The following KCND2 variants were observed in gnomAD, a reference collection of about 807,000 sequenced individuals.
KCND2 encodes the protein potassium voltage-gated channel subfamily D member 2.
KCND2 carries 16 observed loss-of-function variants against 54.4 expected under a neutral mutation model. The observed-to-expected ratio is 0.29, with a 90% CI of 0.20 to 0.45. The LOEUF is 0.45. Among genes scored for constraint, KCND2 ranks in the 20% least tolerant of loss-of-function variants. The probability of loss-of-function intolerance (pLI) is 1.00; values close to 1 mark genes in which losing one functional copy is unlikely to be tolerated. For synonymous variants in KCND2, 317 were observed against 310.7 expected, an observed-to-expected ratio of 1.02 and a Z score of -0.21; for missense variants, 486 against 824.2, an observed-to-expected ratio of 0.59 and a Z score of 5.02.
intron 1 of KCND2, among the ~76,000 whole-genome samples, chr7:120,437,508 T>C (rs1361793597): frequency 6.6e-6 from 1 of 151,684 alleles, no homozygotes; most frequent in Non-Finnish European, 1.5e-5. Flanking sequence ...AGCCCCAATA[T>C]AGAACATTCT....
chr7:120,496,517 C>A (rs1386976548), intron 1 of KCND2, among the ~76,000 whole-genome samples: 1 of 152,004 alleles, frequency 6.6e-6, no homozygotes, highest in Non-Finnish European at 1.5e-5. Context: ...CTCCGCCTCC[C>A]AGTTTCACGC....
At chr7:120,553,542 G>C (rs912227580) in intron 1 of KCND2, among the ~76,000 whole-genome samples, 1 of 152,072 alleles carries the variant, frequency 6.6e-6, no homozygotes, top group Non-Finnish European at 1.5e-5. Flanking sequence ...TTGTGGCTTT[G>C]TACCTAGAAG....
chr7:120,643,011 A>T (rs900583649), intron 1 of KCND2, among the ~76,000 whole-genome samples: 1 of 152,220 alleles, frequency 6.6e-6, no homozygotes, highest in Non-Finnish European at 1.5e-5. Flanking sequence ...GTATTATTCC[A>T]TTGGATTTGT....
Position 120,747,954 on chromosome 7 carries a change from A to G in KCND2, c.*96A>G, listed in dbSNP as rs573362791. The G allele has an allele frequency of 6.0e-6, 6 of 1,008,162 alleles. No individual in the cohort carries two copies. Among genetic ancestry groups the G allele is most frequent in the African/African-American group, 1.6e-5 (1 of 61,964 alleles). The allele number at this position is 1,008,162 out of a possible 1,614,324, so 62.5% of individuals were successfully genotyped here. A position where few individuals can be genotyped will look rare whatever the true frequency, so the allele number is the denominator to read the frequency against. ...GAAACAATAAATATTCTGCAGATTA[A>G]TGCAGCAAAGAAAGAAGGTTGGTAG... On this transcript the variant is annotated 3_prime_UTR_variant, in exon 6 of 6. Transcript: ENST00000331113.
intron 1 of KCND2, among the ~76,000 whole-genome samples, chr7:120,631,183 G>A (rs1468073912): frequency 6.6e-6 from 1 of 151,976 alleles, no homozygotes; most frequent in Non-Finnish European, 1.5e-5. Context: ...AGTATAAATA[G>A]TATTCTTATC....
At chr7:120,364,217 A>G (rs1800635444) in intron 1 of KCND2, among the ~76,000 whole-genome samples, 2 of 152,128 alleles carry the variant, frequency 1.3e-5, no homozygotes, top group African/African-American at 2.4e-5. Flanking sequence ...ACTGACATCA[A>G]TTTTGTACTT....
intron 1 of KCND2, among the ~76,000 whole-genome samples, chr7:120,535,129 T>C (rs1791889259): frequency 6.6e-6 from 1 of 152,146 alleles, no homozygotes; most frequent in African/African-American, 2.4e-5. Flanking sequence ...TATGGGCTGC[T>C]CTATATCCTT....
chr7:120,677,848 A>G (rs1792086096), intron 1 of KCND2, among the ~76,000 whole-genome samples: 2 of 152,106 alleles, frequency 1.3e-5, no homozygotes, highest in African/African-American at 4.8e-5. Flanking sequence ...TAAGGTGCCT[A>G]ATGTAGGCTT....
intron 1 of KCND2, among the ~76,000 whole-genome samples, chr7:120,362,455 C>G (rs1800604752): frequency 6.6e-6 from 1 of 152,056 alleles, no homozygotes; most frequent in African/African-American, 2.4e-5. Flanking sequence ...GTTTTCAAGG[C>G]CAGGACAGTG....
chr7:120,686,795 C>A (rs1429352069), intron 1 of KCND2, among the ~76,000 whole-genome samples: 1 of 152,086 alleles, frequency 6.6e-6, no homozygotes, highest in Admixed American at 6.6e-5. Flanking sequence ...AGAAAAAGGT[C>A]ATATACCAGT....
At chr7:120,527,450 C>T (rs1791790607) in intron 1 of KCND2, among the ~76,000 whole-genome samples, 2 of 152,054 alleles carry the variant, frequency 1.3e-5, no homozygotes, top group African/African-American at 4.8e-5. Flanking sequence ...ATACATTAGC[C>T]CTTTGTATGG....
At chr7:120,732,049 A>AT (rs1792814687) in intron 1 of KCND2, among the ~76,000 whole-genome samples, 1 of 152,114 alleles carries the variant, frequency 6.6e-6, no homozygotes, top group African/African-American at 2.4e-5. Flanking sequence ...TATGAATCTG[A>AT]TTTTCAGGAG....
At chr7:120,539,609 A>G (rs1224957682) in intron 1 of KCND2, among the ~76,000 whole-genome samples, 1 of 152,206 alleles carries the variant, frequency 6.6e-6, no homozygotes, top group Non-Finnish European at 1.5e-5. Flanking sequence ...ACACAGGAAC[A>G]ACCTTTAGCT....
chr7:120,526,826 A>G (rs753161848), intron 1 of KCND2, among the ~76,000 whole-genome samples: 7 of 152,046 alleles, frequency 4.6e-5, no homozygotes, highest in Admixed American at 1.3e-4. Context: ...ATTTTTTTCA[A>G]TCTTTCTATT....
rs553430277 is a variant in KCND2 at position 120,330,166 on chromosome 7, T to A, written c.1115+54419T>A. On this transcript the variant is annotated intron_variant, in intron 1 of 5. Transcript: ENST00000331113. ...TGAACCTTAGGTAAGCTTCTTAAACTTTTTTTCTGTCAGTTTCTTCCTCTC... is the reference window on the plus strand; with the variant it reads ...TGAACCTTAGGTAAGCTTCTTAAACATTTTTTCTGTCAGTTTCTTCCTCTC... Among the ~76,000 whole-genome samples, 3 of 152,202 alleles carry A rather than the reference T, an allele frequency of 2.0e-5. No homozygotes were observed. The South Asian group carries it at 6.2e-4, about 32-fold the overall frequency.
At chr7:120,474,276 C>T (rs1002695530) in intron 1 of KCND2, among the ~76,000 whole-genome samples, 2 of 152,148 alleles carry the variant, frequency 1.3e-5, no homozygotes, top group African/African-American at 4.8e-5. Flanking sequence ...CTCTGCCAAG[C>T]TTGTGTGAAG....
chr7:120,738,272 C>T (rs1792899088), intron 2 of KCND2, among the ~76,000 whole-genome samples: 2 of 152,022 alleles, frequency 1.3e-5, no homozygotes, highest in African/African-American at 4.8e-5. Flanking sequence ...AACACCTCAG[C>T]ATTTCCCAGC....
intron 1 of KCND2, among the ~76,000 whole-genome samples, chr7:120,697,454 C>G (rs1208025347): frequency 6.6e-6 from 1 of 152,044 alleles, no homozygotes; most frequent in Non-Finnish European, 1.5e-5. Context: ...CACCAGAATT[C>G]CTCATAACAA....
intron 1 of KCND2, among the ~76,000 whole-genome samples, chr7:120,675,855 CTTTTTTT>C (rs58226731): frequency 2.5e-5 from 3 of 121,548 alleles, no homozygotes; most frequent in Non-Finnish European, 3.4e-5. Context: ...TCTTTCTATT[CTTTTTTT>C]TTTTTTTTTT....
Sources: allele counts gnomAD v4.1 joint callset (sites outside exome capture counted in the v4.1 genomes callset), GRCh38; gene constraint gnomAD v4.1.1; transcripts MANE v1.5; gene names NCBI Gene and HGNC (gene_info 2026-07-23, HGNC 2026-07-21).